The following TAMM41 variants were observed in gnomAD, a reference collection of about 807,000 sequenced individuals.
The protein encoded by TAMM41 is TAM41 mitochondrial translocator assembly and maintenance homolog, also known as phosphatidate cytidylyltransferase, mitochondrial.
In TAMM41, 36 loss-of-function variants were observed where a neutral mutation model predicts 44.1. That is an observed-to-expected ratio of 0.82 (90% confidence interval 0.63 to 1.08). The LOEUF (loss-of-function observed/expected upper bound fraction) is 1.08, where lower values mean the gene tolerates loss of function less well. TAMM41 is among the 50% of genes least tolerant of loss of function. The pLI, the probability that TAMM41 is intolerant of heterozygous loss-of-function variation, is 0.00. For missense variants in TAMM41, 417 were observed against 404.3 expected, an observed-to-expected ratio of 1.03 and a Z score of -0.27; for synonymous variants, 164 against 153.1, an observed-to-expected ratio of 1.07 and a Z score of -0.53.
intron 4 of TAMM41, among the ~76,000 whole-genome samples, chr3:11,818,373 G>A (rs1168012671): frequency 6.6e-6 from 1 of 152,132 alleles, no homozygotes; most frequent in African/African-American, 2.4e-5. Flanking sequence ...GGTTACCCTC[G>A]CCAATTTCTT....
chr3:11,839,151 A>C, intron 3 of TAMM41, 71 bp downstream of exon 3: 1 of 924,334 alleles, frequency 1.1e-6, no homozygotes, highest in East Asian at 2.5e-5. Flanking sequence ...CATTGCAATC[A>C]CAATGATCAA....
downstream of TAMM41, among the ~76,000 whole-genome samples, chr3:11,785,482 T>C (rs1005109110): frequency 3.3e-5 from 5 of 152,068 alleles, no homozygotes; most frequent in Non-Finnish European, 1.5e-5. Flanking sequence ...CCCCCTACCA[T>C]GCCCAGCTAA....
chr3:11,756,828 G>A, the TAMM41 span, among the ~76,000 whole-genome samples: 12 of 145,668 alleles, frequency 8.2e-5, no homozygotes, highest in South Asian at 2.3e-3. Flanking sequence ...TTGCGCCACT[G>A]CACTCCAGCC....
the TAMM41 span, among the ~76,000 whole-genome samples, chr3:11,728,522 A>G: frequency 6.6e-6 from 1 of 152,248 alleles, no homozygotes; most frequent in Non-Finnish European, 1.5e-5. Flanking sequence ...ATAAAAATTA[A>G]TCCTCTTCCT....
At chr3:11,782,556 A>G in the TAMM41 span, among the ~76,000 whole-genome samples, 2 of 152,012 alleles carry the variant, frequency 1.3e-5, no homozygotes. Flanking sequence ...CAAAAAAAAA[A>G]AAAAAGAAAA....
the TAMM41 span, among the ~76,000 whole-genome samples, chr3:11,780,385 C>T: frequency 6.6e-6 from 1 of 152,184 alleles, no homozygotes; most frequent in South Asian, 2.1e-4. Context: ...TCTCCTCTGG[C>T]TAACCCCTAC....
chr3:11,767,626 A>ATTTTTTTTTTT, the TAMM41 span, among the ~76,000 whole-genome samples: 635 of 60,658 alleles, frequency 0.01, 166 homozygotes, highest in African/African-American at 0.044. Context: ...CACGTTGTGC[A>ATTTTTTTTTTT]TTTTTTTTTT....
At chr3:11,759,567 A>ATG in the TAMM41 span, among the ~76,000 whole-genome samples, 1 of 105,482 alleles carries the variant, frequency 9.5e-6, no homozygotes, top group Non-Finnish European at 2.0e-5. Flanking sequence ...ATGGGAATGC[A>ATG]TACGGAAAGC....
chr3:11,724,287 G>C, the TAMM41 span, among the ~76,000 whole-genome samples: 2 of 151,356 alleles, frequency 1.3e-5, no homozygotes, highest in Non-Finnish European at 2.9e-5. Context: ...ATTTTTAGTA[G>C]AGATGGGGTT....
the TAMM41 span, among the ~76,000 whole-genome samples, chr3:11,774,049 C>T: frequency 1.3e-5 from 2 of 152,164 alleles, no homozygotes; most frequent in Non-Finnish European, 2.9e-5. Context: ...GATCATGCCA[C>T]TGTACTCCAG....
chr3:11,742,114 G>A, the TAMM41 span, among the ~76,000 whole-genome samples: 1 of 150,082 alleles, frequency 6.7e-6, no homozygotes, highest in Non-Finnish European at 1.5e-5. Flanking sequence ...AAGAGTGCAT[G>A]TGTGTATTTA....
intron 7 of TAMM41, 165 bp downstream of exon 7, chr3:11,807,668 C>T (rs1224141977): frequency 6.5e-7 from 1 of 1,536,280 alleles, no homozygotes; most frequent in Admixed American, 2.0e-5. Context: ...CCAGGTTCTG[C>T]TGCTGTTATG....
chr3:11,846,143 C>G (rs2079675304), intron 1 of TAMM41, among the ~76,000 whole-genome samples: 1 of 152,244 alleles, frequency 6.6e-6, no homozygotes. Context: ...CGGCGGAAGC[C>G]GAGCATTAGG....
the TAMM41 span, among the ~76,000 whole-genome samples, chr3:11,735,539 G>A: frequency 1.8e-4 from 28 of 151,956 alleles, 1 homozygote; most frequent in Non-Finnish European, 4.0e-4. Context: ...GGGTGCTGAG[G>A]CGGGAGGATC....
chr3:11,759,737 G>A, the TAMM41 span, among the ~76,000 whole-genome samples: 1 of 152,154 alleles, frequency 6.6e-6, no homozygotes, highest in Non-Finnish European at 1.5e-5. Flanking sequence ...ACTTTGGGAG[G>A]CTGAGGTGGG....
intron 7 of TAMM41, among the ~76,000 whole-genome samples, chr3:11,798,012 G>A (rs1392569863): frequency 1.3e-5 from 2 of 152,170 alleles, no homozygotes; most frequent in African/African-American, 4.8e-5. Context: ...AGCTGGTGAG[G>A]TTGTGGAGAA....
intron 3 of TAMM41, among the ~76,000 whole-genome samples, chr3:11,830,333 A>G (rs902210975): frequency 1.3e-5 from 2 of 152,152 alleles, no homozygotes; most frequent in Admixed American, 6.5e-5. Context: ...TTGACTAAGG[A>G]AAAATGAAAG....
At chr3:11,808,118 G>T in intron 6 of TAMM41, 1 of 1,051,818 alleles carries the variant, frequency 9.5e-7, no homozygotes, top group Non-Finnish European at 1.3e-6. Context: ...GTGAGTCCAA[G>T]CCGATGACCG....
chr3:11,817,403 G>A (rs550931791), intron 4 of TAMM41, 66 bp from the exon 5 acceptor site: 9 of 1,524,896 alleles, frequency 5.9e-6, no homozygotes, highest in South Asian at 3.7e-5. Flanking sequence ...TATGAACGAC[G>A]CTCCCCACAC....
Sources: gnomAD v4.1 joint callset for allele counts (sites outside exome capture counted in the v4.1 genomes callset) on GRCh38, gnomAD v4.1.1 for gene constraint, MANE v1.5 for transcripts, NCBI Gene and HGNC (gene_info 2026-07-23, HGNC 2026-07-21) for gene names.